SNX9: variants seen among roughly 807,000 people sequenced by gnomAD.
SNX9 encodes the protein sorting nexin-9.
SNX9 carries 44 observed loss-of-function variants against 89.4 expected under a neutral mutation model. That is an observed-to-expected ratio of 0.49 (90% CI 0.39 to 0.63). The LOEUF is 0.63. Among genes scored for constraint, SNX9 ranks in the 30% least tolerant of loss-of-function variants. The pLI is 0.00. For missense variants in SNX9, 578 were observed against 736.1 expected (o/e 0.79, Z 2.49); for synonymous variants, 236 against 247.8 (o/e 0.95, Z 0.45).
chr6:157,940,994 C>T lies in SNX9; in HGVS notation c.1740+20C>T, dbSNP rs1371309409. The T allele has an allele frequency of 1.9e-6, 3 of 1,606,500 alleles. No individual in the cohort carries two copies. The highest frequency in any genetic ancestry group is 2.6e-6 in the Non-Finnish European group (3 of 1,173,216). On this transcript the variant is annotated intron_variant, in intron 17 of 17. Transcript: ENST00000392185. ...GAAACGGTGAGTGGGCGTCCACGTG[C>T]CTTTCGCATGTGCTTGAGGAGAGGG...
chr6:157,941,487 C>T lies in SNX9; in HGVS notation c.1740+513C>T, dbSNP rs570300173. Among the ~76,000 whole-genome samples, 7 of 152,300 alleles carry T rather than the reference C, an allele frequency of 4.6e-5. No individual in the cohort carries two copies. In the South Asian group the frequency reaches 1.5e-3, roughly 32 times the overall value. On this transcript the variant is annotated intron_variant, in intron 17 of 17. Transcript: ENST00000392185. ...TTTATTCACAAAACAATAACGAAAA[C>T]TTAAATTTTTCTTACCTCTGCTTAG...
At chr6:157,854,222 A>G (rs1200593458) in intron 1 of SNX9, among the ~76,000 whole-genome samples, 1 of 152,222 alleles carries the variant, frequency 6.6e-6, no homozygotes, top group Non-Finnish European at 1.5e-5. Context: ...CCCAGTGAGC[A>G]TGCAGTTTTA....
chr6:157,934,423 GA>G (rs890692136), intron 13 of SNX9, among the ~76,000 whole-genome samples: 16 of 151,808 alleles, frequency 1.1e-4, no homozygotes, highest in African/African-American at 3.4e-4. Context: ...AATCAAAATG[GA>G]AAAAAAATTT....
intron 4 of SNX9, among the ~76,000 whole-genome samples, chr6:157,886,621 C>T (rs1782742693): frequency 6.6e-6 from 1 of 152,208 alleles, no homozygotes; most frequent in Non-Finnish European, 1.5e-5. Context: ...TCCTTCCACG[C>T]TTAGCTGGTT....
Position 157,937,538 on chromosome 6 carries a change from G to C in SNX9, c.1533+15G>C, listed in dbSNP as rs374691306. ...GCACTCACAAGGTAACCTGATCGTAGACATTTATAGAAGACAACAGCAGGT... is the reference window on the plus strand; with the variant it reads ...GCACTCACAAGGTAACCTGATCGTACACATTTATAGAAGACAACAGCAGGT... On this transcript the variant is annotated intron_variant, in intron 15 of 17. Transcript: ENST00000392185. 23 of 1,594,806 alleles carry C rather than the reference G, an allele frequency of 1.4e-5. No individual in the cohort carries two copies. The African/African-American group carries it at 2.8e-4, about 20-fold the overall frequency.
intron 1 of SNX9, among the ~76,000 whole-genome samples, chr6:157,828,793 C>T (rs182218802): frequency 2.8e-4 from 43 of 152,222 alleles, no homozygotes; most frequent in Admixed American, 2.1e-3. Flanking sequence ...GGTCTTAATG[C>T]GTCTAAGCAT....
At chr6:157,891,027 C>CTTTTTTTTTTTTTTTTT (rs67186551) in intron 4 of SNX9, among the ~76,000 whole-genome samples, 3 of 114,940 alleles carry the variant, frequency 2.6e-5, no homozygotes, top group East Asian at 2.5e-4. Context: ...TTTTCTTTCT[C>CTTTTTTTTTTTTTTTTT]TTTTTTTTTT....
chr6:157,835,985 G>A lies in SNX9; in HGVS notation c.12+12539G>A, dbSNP rs1034096767. Among the ~76,000 whole-genome samples the A allele has an allele frequency of 7.2e-5, 11 of 152,116 alleles. No homozygotes were observed. The East Asian group carries it at 9.6e-4, about 13-fold the overall frequency. On this transcript the variant is annotated intron_variant, in intron 1 of 17. Transcript: ENST00000392185. ...ACTCTGTTGCTCAGGGTGGAGTGCCGTGGCGTGATCTGGGCTCACAGCAGC... is the reference window on the plus strand; with the variant it reads ...ACTCTGTTGCTCAGGGTGGAGTGCCATGGCGTGATCTGGGCTCACAGCAGC...
In SNX9 at chr6:157,938,745, A is replaced by T; in HGVS notation, c.1646A>T (p.Gln549Leu). The change falls in exon 16 of 18, where the codon CAA (glutamine) becomes CTA (leucine). Residue 549 changes from glutamine (Q) to leucine (L), a missense_variant and splice_region_variant. Gln to Leu is a moderately radical substitution (Grantham distance 113). This residue lies in a region of SNX9 where 348 missense variants were observed against 491.4 expected (regional missense o/e 0.71). Coordinates refer to ENST00000392185, the MANE Select transcript of SNX9 (RefSeq NM_016224.5). ...GTCAGCATCATGTCTTACGCGTTGC[A>T]AGGTAAGATGAAAGGGTCCTTATGA... is the stretch of plus-strand genomic sequence containing the variant. ...KRVSIMSYALQAEMNHFHSNR... is the reference protein window; with the variant it reads ...KRVSIMSYALLAEMNHFHSNR... The T allele has an allele frequency of 6.2e-7, 1 of 1,611,900 alleles. No homozygotes were observed. The highest frequency in any genetic ancestry group is 8.5e-7 in the Non-Finnish European group (1 of 1,178,508).
intron 4 of SNX9, among the ~76,000 whole-genome samples, chr6:157,894,619 A>T (rs1782941625): frequency 6.6e-6 from 1 of 152,172 alleles, no homozygotes; most frequent in Admixed American, 6.5e-5. Flanking sequence ...GTTTATTTGT[A>T]AGATTAATAA....
chr6:157,932,590 G>A (rs1331436919), intron 13 of SNX9, among the ~76,000 whole-genome samples: 1 of 152,100 alleles, frequency 6.6e-6, no homozygotes, highest in East Asian at 1.9e-4. Context: ...ATTTGGCTGG[G>A]CACAGTGGCT....
intron 1 of SNX9, among the ~76,000 whole-genome samples, chr6:157,834,454 C>G (rs567089378): frequency 4.1e-4 from 61 of 150,422 alleles, no homozygotes; most frequent in African/African-American, 1.5e-3. Context: ...TTAAGTGATT[C>G]TCCCACCTCA....
chr6:157,858,064 G>A (rs1782047138), intron 1 of SNX9, among the ~76,000 whole-genome samples: 1 of 151,944 alleles, frequency 6.6e-6, no homozygotes, highest in Non-Finnish European at 1.5e-5. Context: ...TATGGTCTCG[G>A]ATCTGCAGAG....
rs1784074628 is a variant in SNX9, at chr6:157,943,018, T to G, written c.*180T>G. The stretch of plus-strand genomic sequence containing the variant: ...AAATGCGTCAGTTATTTAGGGATGG[T>G]CTTTTGTTCATTTCCGCATCCATTA... On this transcript the variant is annotated 3_prime_UTR_variant, in exon 18 of 18. Coordinates refer to ENST00000392185, the MANE Select transcript of SNX9 (RefSeq NM_016224.5). 1 of 534,854 alleles carries G rather than the reference T, an allele frequency of 1.9e-6. No individual in the cohort carries two copies. The highest frequency in any genetic ancestry group is 1.9e-5 in the African/African-American group (1 of 51,636). 33.1% of individuals were successfully genotyped at this position (534,854 alleles called of 1,614,324 possible). A position where few individuals can be genotyped will look rare whatever the true frequency, so the allele number is the denominator to read the frequency against.
intron 12 of SNX9, among the ~76,000 whole-genome samples, chr6:157,929,150 G>C (rs535223418): frequency 6.6e-6 from 1 of 152,316 alleles, no homozygotes; most frequent in Non-Finnish European, 1.5e-5. Flanking sequence ...GCCGAGGGGA[G>C]AGTGTCGCTG....
At chr6:157,926,928 T>C (rs901884291) in intron 10 of SNX9, among the ~76,000 whole-genome samples, 183 bp from the exon 11 acceptor site, 6 of 152,190 alleles carry the variant, frequency 3.9e-5, no homozygotes, top group African/African-American at 1.4e-4. Context: ...ACACTGTTCA[T>C]GCCCTGAGAT....
rs1288775108 is a variant in SNX9, at chr6:157,944,493, T to TA, written c.*1662dup. 2 of 152,648 alleles carry TA rather than the reference T, an allele frequency of 1.3e-5. No homozygotes were observed. The highest frequency in any genetic ancestry group is 2.4e-5 in the African/African-American group (1 of 41,466). 9.5% of individuals were successfully genotyped at this position (152,648 alleles called of 1,614,324 possible). A position where few individuals can be genotyped will look rare whatever the true frequency, so the allele number is the denominator to read the frequency against. On this transcript the variant is annotated 3_prime_UTR_variant, in exon 18 of 18. Coordinates refer to ENST00000392185, the MANE Select transcript of SNX9 (RefSeq NM_016224.5). ...GAAGCCAACATATAAATAAATTGTT[T>TA]AAAAAAACTGTACAGTAAATTCTCA...
At chr6:157,835,460 T>C (rs542725240) in intron 1 of SNX9, among the ~76,000 whole-genome samples, 1 of 151,060 alleles carries the variant, frequency 6.6e-6, no homozygotes, top group South Asian at 2.1e-4. Flanking sequence ...TTGCCCAGGC[T>C]GGAGTCCAGT....
chr6:157,908,258 A>T (rs1163205886), intron 7 of SNX9, among the ~76,000 whole-genome samples: 2 of 152,180 alleles, frequency 1.3e-5, no homozygotes, highest in Non-Finnish European at 2.9e-5. Flanking sequence ...AGTCTGCAAG[A>T]ATAAAACCTG....
Sources: allele counts gnomAD v4.1 joint callset (sites outside exome capture counted in the v4.1 genomes callset), GRCh38; gene constraint gnomAD v4.1.1; regional missense constraint gnomAD v4.1.1; transcripts MANE v1.5; gene names NCBI Gene and HGNC (gene_info 2026-07-23, HGNC 2026-07-21).